The following TNKS variants were observed in gnomAD, a reference collection of about 807,000 sequenced individuals.
TNKS encodes the protein tankyrase, also known as poly [ADP-ribose] polymerase tankyrase-1.
A neutral mutation model predicts 135.8 loss-of-function variants in TNKS; 72 were observed. The ratio of observed to expected loss-of-function variants is 0.53; its 90% CI spans 0.44 to 0.64. The LOEUF (loss-of-function observed/expected upper bound fraction) is 0.64. Ranked by LOEUF, TNKS falls within the 30% of genes least tolerant of loss-of-function variation. The pLI, the probability that TNKS is intolerant of heterozygous loss-of-function variation, is 0.00. For missense variants in TNKS, 1,769 were observed against 1,674.0 expected (o/e 1.06, Z -0.99); for synonymous variants, 849 against 649.3 (o/e 1.31, Z -4.68).
chr8:9,593,301 G>A (rs1381830791), intron 2 of TNKS, among the ~76,000 whole-genome samples: 2 of 152,212 alleles, frequency 1.3e-5, no homozygotes, highest in Non-Finnish European at 2.9e-5. Context: ...GTTTACCAGT[G>A]AAGAAGGAGA....
intron 3 of TNKS, among the ~76,000 whole-genome samples, chr8:9,679,340 G>T (rs553334085): frequency 1.1e-4 from 16 of 152,216 alleles, no homozygotes; most frequent in African/African-American, 3.9e-4. Context: ...TTGGAGCACC[G>T]CCTCCAAGAG....
chr8:9,777,710 G>A lies in TNKS; in HGVS notation c.*974G>A, dbSNP rs1808292969. 1 of 152,296 alleles carries A rather than the reference G, an allele frequency of 6.6e-6. No homozygotes were observed. The highest frequency in any genetic ancestry group is 2.4e-5 in the African/African-American group (1 of 41,572). 9.4% of individuals were successfully genotyped at this position (152,296 alleles called of 1,614,324 possible). ...CAGGGGATGCCTCCAAAAAATACAT[G>A]CTTCCCTTCCCTTAATCTGTACTGT... On this transcript the variant is annotated 3_prime_UTR_variant, in exon 27 of 27. Coordinates refer to ENST00000310430, the MANE Select transcript of TNKS (RefSeq NM_003747.3).
At chr8:9,767,166 G>A (rs1807501677) in intron 25 of TNKS, among the ~76,000 whole-genome samples, 1 of 152,140 alleles carries the variant, frequency 6.6e-6, no homozygotes, top group Admixed American at 6.6e-5. Context: ...TTGTTTTAAG[G>A]CAGGATATAT....
intron 2 of TNKS, among the ~76,000 whole-genome samples, chr8:9,595,227 T>A (rs1798734512): frequency 6.6e-6 from 1 of 151,916 alleles, no homozygotes; most frequent in Admixed American, 6.6e-5. Flanking sequence ...TTCAAGCAAT[T>A]CTCCTGGCTC....
chr8:9,575,260 G>C (rs1189340255), intron 1 of TNKS: 1 of 522,300 alleles, frequency 1.9e-6, no homozygotes, highest in Non-Finnish European at 2.5e-6. Context: ...CTAATTTTTT[G>C]TATATTTAGT....
chr8:9,580,323 A>G lies in TNKS; in HGVS notation c.838A>G (p.Asn280Asp). The change falls in exon 2 of 27, where the codon AAC (asparagine) becomes GAC (aspartate). Residue 280 changes from asparagine to aspartate, a missense_variant. Transcript: ENST00000310430. ...AGGAGCTGATCCAAATGCCAGGGAT[A>G]ACTGGAACTATACACCTCTGCATGA... ...CQGADPNARDNWNYTPLHEAA... is the reference protein window; with the variant it reads ...CQGADPNARDDWNYTPLHEAA... 4 of 1,614,198 alleles carry G rather than the reference A, an allele frequency of 2.5e-6. No homozygotes were observed. Among genetic ancestry groups the G allele is most frequent in the Non-Finnish European group, 3.4e-6 (4 of 1,180,034 alleles).
At chr8:9,721,633 T>C (rs1804884448) in intron 12 of TNKS, among the ~76,000 whole-genome samples, 3 of 148,518 alleles carry the variant, frequency 2.0e-5, no homozygotes. Context: ...AGTTCTTAAC[T>C]CTATCAGGTA....
rs142854171 is a variant in TNKS, at chr8:9,778,087, T to G, written c.*1351T>G. Reference sequence around the variant, plus strand: ...GTGAGAAAGAAATACCATACAATTTTCTTTGTGAAATTACTGTTTATTTTC... The same window carrying G: ...GTGAGAAAGAAATACCATACAATTTGCTTTGTGAAATTACTGTTTATTTTC... On this transcript the variant is annotated 3_prime_UTR_variant, in exon 27 of 27. Coordinates refer to ENST00000310430, the MANE Select transcript of TNKS (RefSeq NM_003747.3). The G allele has an allele frequency of 2.6e-4, 40 of 152,780 alleles. No homozygotes were observed. In the East Asian group the frequency reaches 7.7e-3, roughly 29 times the overall value. 9.5% of individuals were successfully genotyped at this position (152,780 alleles called of 1,614,324 possible).
intron 18 of TNKS, among the ~76,000 whole-genome samples, chr8:9,749,559 C>T (rs1806410914): frequency 6.6e-6 from 1 of 151,796 alleles, no homozygotes; most frequent in Non-Finnish European, 1.5e-5. Flanking sequence ...ACCACAACCC[C>T]AACCTCTTAG....
intron 2 of TNKS, among the ~76,000 whole-genome samples, chr8:9,597,207 C>T (rs1356725791): frequency 6.6e-6 from 1 of 152,148 alleles, no homozygotes; most frequent in Non-Finnish European, 1.5e-5. Flanking sequence ...ATAAAACGGA[C>T]GTTGGCTCTA....
At chr8:9,611,294 G>A (rs750656191) in intron 2 of TNKS, among the ~76,000 whole-genome samples, 1 of 152,174 alleles carries the variant, frequency 6.6e-6, no homozygotes, top group Non-Finnish European at 1.5e-5. Context: ...AATGGCCATA[G>A]TACCCTTGAA....
At chr8:9,562,537 A>G (rs1199300783) in intron 1 of TNKS, among the ~76,000 whole-genome samples, 1 of 152,152 alleles carries the variant, frequency 6.6e-6, no homozygotes, top group Admixed American at 6.5e-5. Context: ...ATTCACTTTC[A>G]ATCAATCTGC....
At chr8:9,653,754 C>G (rs544399210) in intron 3 of TNKS, among the ~76,000 whole-genome samples, 1 of 152,258 alleles carries the variant, frequency 6.6e-6, no homozygotes, top group South Asian at 2.1e-4. Flanking sequence ...AAACCACATC[C>G]AGCCCATAAC....
intron 5 of TNKS, among the ~76,000 whole-genome samples, chr8:9,702,056 A>G (rs1159405477): frequency 1.3e-5 from 2 of 152,180 alleles, no homozygotes; most frequent in Non-Finnish European, 2.9e-5. Context: ...CCTCAGTAGT[A>G]GGGGAAAATC....
chr8:9,629,238 TC>T (rs1474127270), intron 3 of TNKS, among the ~76,000 whole-genome samples: 1 of 152,180 alleles, frequency 6.6e-6, no homozygotes, highest in Admixed American at 6.5e-5. Flanking sequence ...TAGCAAGACT[TC>T]CTTGTTGAAA....
At chr8:9,677,358 T>C (rs2128795820) in intron 3 of TNKS, among the ~76,000 whole-genome samples, 1 of 152,326 alleles carries the variant, frequency 6.6e-6, no homozygotes. Context: ...AAAATGTGCC[T>C]TTTGGTGAAA....
chr8:9,658,539 G>C (rs975975615), intron 3 of TNKS: 1 of 386,974 alleles, frequency 2.6e-6, no homozygotes, highest in African/African-American at 2.2e-5. Flanking sequence ...AATGCTGAGA[G>C]ATTTTGTCAC....
intron 5 of TNKS, among the ~76,000 whole-genome samples, chr8:9,693,099 A>G (rs993859564): frequency 5.3e-5 from 8 of 152,194 alleles, no homozygotes; most frequent in African/African-American, 1.9e-4. Context: ...GGCTAATGTA[A>G]TATTTTATTT....
At chr8:9,766,789 T>C (rs1466894174) in intron 25 of TNKS, among the ~76,000 whole-genome samples, 1 of 152,122 alleles carries the variant, frequency 6.6e-6, no homozygotes, top group Admixed American at 6.5e-5. Flanking sequence ...CAGCCCCAAA[T>C]TGGTTTATCA....
Sources: gnomAD v4.1 joint callset for allele counts (sites outside exome capture counted in the v4.1 genomes callset) on GRCh38, gnomAD v4.1.1 for gene constraint, MANE v1.5 for transcripts, NCBI Gene and HGNC (gene_info 2026-07-23, HGNC 2026-07-21) for gene names.